The following NAT9 variants were observed in gnomAD, a reference collection of about 807,000 sequenced individuals.
NAT9 encodes the protein N-acetyltransferase 9, also known as alpha/beta-tubulin-N-acetyltransferase 9.
In NAT9, 18 loss-of-function variants were observed where a neutral mutation model predicts 24.0. That is an observed-to-expected ratio of 0.75 (90% CI 0.52 to 1.11). NAT9 has a LOEUF of 1.11. Ranked by LOEUF, NAT9 falls within the 50% of genes most tolerant of loss-of-function variation. The probability of loss-of-function intolerance (pLI) is 0.00; values close to 1 mark genes in which losing one functional copy is unlikely to be tolerated. For missense variants in NAT9, 254 were observed against 258.6 expected (o/e 0.98, Z 0.12); for synonymous variants, 104 against 102.3 (o/e 1.02, Z -0.10).
Position 74,772,013 on chromosome 17 carries a change from C to G in NAT9, c.436G>C (p.Gly146Arg), listed in dbSNP as rs751805149. The part of the protein sequence containing the change: ...LGLTKFEAKI[G>R]QGNEPSIRMF... ...CGGATGCTTGGTTCATTTCCTTGCC[C>G]AATTTTAGCCTCAAACTTGGTCAGA... Residue 146 changes from glycine to arginine, a missense_variant, in exon 6 of 7, where the codon GGG (glycine) becomes CGG (arginine). Gly to Arg is a moderately radical substitution (Grantham distance 125, BLOSUM62 -2). Coordinates refer to ENST00000357814, the MANE Select transcript of NAT9 (RefSeq NM_015654.5). The G allele has an allele frequency of 1.5e-5, 25 of 1,614,104 alleles. No individual in the cohort carries two copies. The South Asian group carries it at 2.5e-4, about 16-fold the overall frequency.
intron 4 of NAT9, 108 bp from the exon 5 acceptor site, chr17:74,772,385 T>C (rs937778240): frequency 6.7e-7 from 1 of 1,482,016 alleles, no homozygotes; most frequent in East Asian, 2.5e-5. Flanking sequence ...GTTGCTACTA[T>C]CATTACCATT....
chr17:74,773,805 GT>G (rs930191744), intron 2 of NAT9, 117 bp from the exon 3 acceptor site: 2 of 815,748 alleles, frequency 2.5e-6, no homozygotes, highest in African/African-American at 3.4e-5. Context: ...GACCCAAAGG[GT>G]TATGATTGCT....
rs777184130 is a variant in NAT9, at chr17:74,773,599, C to T, written c.167G>A (p.Cys56Tyr). ...LTLEQEYAMQ[C>Y]SWQEDADKCT... is the part of the protein sequence containing the mutation. ...ACTGTCTGCATCTTCCTGCCAGCTGCACTGCATGGCATACTCCTGCTCCAG... is the reference window on the plus strand; with the variant it reads ...ACTGTCTGCATCTTCCTGCCAGCTGTACTGCATGGCATACTCCTGCTCCAG... Residue 56 changes from cysteine (C) to tyrosine (Y), a missense_variant, in exon 3 of 7, where the codon TGC becomes TAC. Physicochemically the swap from Cys to Tyr is radical, Grantham distance 194. Coordinates refer to ENST00000357814, the MANE Select transcript of NAT9 (RefSeq NM_015654.5). 2.5e-6 allele frequency: 4 copies of T among 1,614,088 alleles called. No homozygotes were observed. The highest frequency in any genetic ancestry group is 3.4e-6 in the Non-Finnish European group (4 of 1,180,010).
intron 2 of NAT9, among the ~76,000 whole-genome samples, chr17:74,774,708 T>C (rs886814924): frequency 2.0e-5 from 3 of 149,910 alleles, no homozygotes; most frequent in East Asian, 4.0e-4. Context: ...CGCCACCACA[T>C]CCGGCTAATT....
chr17:74,775,788 G>A, intron 1 of NAT9, 81 bp from the exon 2 acceptor site: 2 of 1,147,374 alleles, frequency 1.7e-6, no homozygotes, highest in South Asian at 1.3e-5. Context: ...CTTTCCTGCT[G>A]GGGCTAAGTT....
At chr17:74,772,696 A>G in intron 4 of NAT9, 200 bp downstream of exon 4, 2 of 1,119,420 alleles carry the variant, frequency 1.8e-6, no homozygotes, top group Non-Finnish European at 2.5e-6. Flanking sequence ...GCCTAAGCAT[A>G]AGGACTAAAG....
chr17:74,773,247 C>G (rs2035484667), intron 3 of NAT9: 1 of 640,424 alleles, frequency 1.6e-6, no homozygotes, highest in East Asian at 2.8e-5. Flanking sequence ...ACCAAATTCT[C>G]AGAGAGCAGG....
At position 74,771,666 on chromosome 17, in the gene NAT9, G is replaced by A. The variant is rs2035212654; in HGVS notation, c.*58C>T. ...CTCCCAGTGCAGGGCTCTGGTCTTT[G>A]AAGTGTATGGGCCCAACACCCTGCT... On this transcript the variant is annotated 3_prime_UTR_variant, in exon 7 of 7. Coordinates refer to ENST00000357814, the MANE Select transcript of NAT9 (RefSeq NM_015654.5). 3 of 1,603,866 alleles carry A rather than the reference G, an allele frequency of 1.9e-6. No homozygotes were observed. The highest frequency in any genetic ancestry group is 3.3e-5 in the Admixed American group (2 of 59,774).
At chr17:74,773,249 G>A (rs2035485507) in intron 3 of NAT9, 1 of 633,820 alleles carries the variant, frequency 1.6e-6, no homozygotes. Flanking sequence ...CAAATTCTCA[G>A]AGAGCAGGGA....
At chr17:74,775,827 C>G in intron 1 of NAT9, 120 bp from the exon 2 acceptor site, 1 of 666,440 alleles carries the variant, frequency 1.5e-6, no homozygotes, top group East Asian at 2.8e-5. Context: ...CGTCTAGACA[C>G]TTCAAAGAAT....
chr17:74,772,315 C>T (rs1268237152), intron 4 of NAT9, 38 bp from the exon 5 acceptor site: 1 of 1,610,396 alleles, frequency 6.2e-7, no homozygotes, highest in African/African-American at 1.3e-5. Context: ...ACGCCGTGTG[C>T]CAGGCTCCAG....
rs533107055 is a variant in NAT9, at chr17:74,772,215, T to A, written c.394+3A>T. On this transcript the variant is annotated splice_donor_region_variant and intron_variant, in intron 5 of 6. Transcript: ENST00000357814. Reference sequence around the variant, plus strand: ...CCCGCATTGTCTGCTCACACTTTCTTACCGTAAGACAGCATCGCGAGAACG... The same window carrying A: ...CCCGCATTGTCTGCTCACACTTTCTAACCGTAAGACAGCATCGCGAGAACG... 1 of 1,614,218 alleles carries A rather than the reference T, an allele frequency of 6.2e-7. No individual in the cohort carries two copies. Among genetic ancestry groups the A allele is most frequent in the East Asian group, 2.2e-5 (1 of 44,890 alleles).
chr17:74,772,192 C>G (rs1410717572), intron 5 of NAT9, 26 bp downstream of exon 5: 1 of 1,614,234 alleles, frequency 6.2e-7, no homozygotes, highest in South Asian at 1.1e-5. Flanking sequence ...GCCCACTTCC[C>G]GCATTGTCTG....
intron 2 of NAT9, among the ~76,000 whole-genome samples, chr17:74,774,298 C>CA (rs1453552040): frequency 1.3e-5 from 2 of 152,044 alleles, no homozygotes; most frequent in African/African-American, 4.8e-5. Context: ...CTTTTTCTTC[C>CA]ACGTTTAGTT....
At position 74,775,617 on chromosome 17, in the gene NAT9, G is replaced by A. The variant is rs1271220283; in HGVS notation, c.77+5C>T. ...TACGCACCCCATGTCAAGCGGGAAA[G>A]ATACCTGGGCACATGCTCCGAGGTG... On this transcript the variant is annotated splice_donor_5th_base_variant and intron_variant, in intron 2 of 6. Transcript: ENST00000357814. 2 of 1,613,478 alleles carry A rather than the reference G, an allele frequency of 1.2e-6. No individual in the cohort carries two copies. The highest frequency in any genetic ancestry group is 4.5e-5 in the East Asian group (2 of 44,884).
Position 74,770,854 on chromosome 17 carries a change from G to A in NAT9, c.*870C>T, listed in dbSNP as rs12797. 56,046 of 152,096 alleles carry A rather than the reference G, an allele frequency of 0.37. 11,139 individuals are homozygous for A. The highest frequency in any genetic ancestry group is 0.45 in the Non-Finnish European group (30,712 of 67,980). 9.4% of individuals were successfully genotyped at this position (152,096 alleles called of 1,614,324 possible). ...GGCCAACTCTACTTTGTAAGCCATA[G>A]GGTGCCAGGTAGCCCGGCCACCCTG... On this transcript the variant is annotated 3_prime_UTR_variant, in exon 7 of 7. Coordinates refer to ENST00000357814, the MANE Select transcript of NAT9 (RefSeq NM_015654.5).
chr17:74,774,524 GT>G (rs1224505901), intron 2 of NAT9, among the ~76,000 whole-genome samples: 1 of 148,896 alleles, frequency 6.7e-6, no homozygotes, highest in African/African-American at 2.5e-5. Context: ...TAGAGACGGG[GT>G]TTCTCCACGT....
chr17:74,773,734 C>T, intron 2 of NAT9, 46 bp from the exon 3 acceptor site: 1 of 1,510,988 alleles, frequency 6.6e-7, no homozygotes, highest in Non-Finnish European at 9.2e-7. Context: ...CATTCAGAGG[C>T]ATACGTCTGA....
chr17:74,771,308 G>C lies in NAT9; in HGVS notation c.*416C>G, dbSNP rs2035184371. 4.5e-6 allele frequency: 1 copy of C among 221,318 alleles called. No homozygotes were observed. The highest frequency in any genetic ancestry group is 9.9e-5 in the East Asian group (1 of 10,054). The allele number at this position is 221,318 out of a possible 1,614,324, so 13.7% of individuals were successfully genotyped here. ...GTAGCTCTTCACATGGACCAAACGG[G>C]AAAATCAGGAAAGCTGGTAGTGCCT... On this transcript the variant is annotated 3_prime_UTR_variant, in exon 7 of 7. Transcript: ENST00000357814.
Sources: gnomAD v4.1 joint callset for allele counts (sites outside exome capture counted in the v4.1 genomes callset) on GRCh38, gnomAD v4.1.1 for gene constraint, MANE v1.5 for transcripts, NCBI Gene and HGNC (gene_info 2026-07-23, HGNC 2026-07-21) for gene names.